Variants in STXBP5L observed in about 807,000 individuals in gnomAD.
STXBP5L encodes the protein syntaxin binding protein 5L.
Under a neutral mutation model 144.5 loss-of-function variants are expected in STXBP5L, and 65 were observed. The ratio of observed to expected loss-of-function variants is 0.45; its 90% CI spans 0.37 to 0.55. The LOEUF (loss-of-function observed/expected upper bound fraction) is 0.55, where lower values mean the gene tolerates loss of function less well. Among genes scored for constraint, STXBP5L ranks in the 20% least tolerant of loss-of-function variants. The pLI, the probability that STXBP5L is intolerant of heterozygous loss-of-function variation, is 0.00. For missense variants in STXBP5L, 1,298 were observed against 1,405.5 expected, an observed-to-expected ratio of 0.92 and a Z score of 1.22; for synonymous variants, 505 against 469.6, an observed-to-expected ratio of 1.08 and a Z score of -0.97.
At chr3:121,297,455 G>C (rs1346167469) in intron 19 of STXBP5L, among the ~76,000 whole-genome samples, 2 of 152,036 alleles carry the variant, frequency 1.3e-5, no homozygotes, top group East Asian at 3.9e-4. Context: ...ACTATTATAA[G>C]AATATATAGG....
At chr3:121,363,228 C>T (rs1047848307) in intron 20 of STXBP5L, among the ~76,000 whole-genome samples, 2 of 152,142 alleles carry the variant, frequency 1.3e-5, no homozygotes, top group African/African-American at 4.8e-5. Context: ...CCAGCAGTCC[C>T]TTGGCTGACC....
chr3:121,290,285 C>A (rs531989034), intron 19 of STXBP5L, among the ~76,000 whole-genome samples: 1 of 151,970 alleles, frequency 6.6e-6, no homozygotes, highest in African/African-American at 2.4e-5. Flanking sequence ...TTTATGCACA[C>A]AAACTAGAAA....
At chr3:121,019,807 A>T (rs1162265566) in intron 3 of STXBP5L, among the ~76,000 whole-genome samples, 1 of 152,148 alleles carries the variant, frequency 6.6e-6, no homozygotes, top group Non-Finnish European at 1.5e-5. Context: ...CACTGACATA[A>T]TCTACCCAAA....
intron 7 of STXBP5L, among the ~76,000 whole-genome samples, chr3:121,130,009 A>G (rs1348400296): frequency 1.8e-4 from 27 of 152,124 alleles, no homozygotes; most frequent in Admixed American, 1.7e-3. Context: ...GATTTGAATC[A>G]TAGTTTATAA....
intron 5 of STXBP5L, chr3:121,099,498 T>C (rs928489091): frequency 2.0e-5 from 3 of 152,378 alleles, no homozygotes; most frequent in Non-Finnish European, 4.4e-5. Context: ...TGAACACTTA[T>C]GCCCAAGAAT....
intron 3 of STXBP5L, among the ~76,000 whole-genome samples, chr3:120,975,509 T>G (rs1940872220): frequency 6.6e-6 from 1 of 152,206 alleles, no homozygotes; most frequent in Non-Finnish European, 1.5e-5. Context: ...TTTGACTTCC[T>G]CTTTTCCTAA....
At chr3:121,026,379 C>G (rs952419595) in intron 3 of STXBP5L, among the ~76,000 whole-genome samples, 13 of 152,146 alleles carry the variant, frequency 8.5e-5, no homozygotes, top group Middle Eastern at 3.4e-3. Flanking sequence ...CCACAAAACA[C>G]TCTTTATCAC....
At chr3:121,344,057 A>G (rs552102991) in intron 20 of STXBP5L, among the ~76,000 whole-genome samples, 4 of 152,108 alleles carry the variant, frequency 2.6e-5, no homozygotes, top group South Asian at 4.2e-4. Context: ...AGAGATATAG[A>G]TCAATGGAAC....
rs538227823 is a variant in STXBP5L at position 120,956,725 on chromosome 3, T to A, written c.287+1688T>A. On this transcript the variant is annotated intron_variant, in intron 3 of 26. Coordinates refer to ENST00000471454, the MANE Select transcript of STXBP5L (RefSeq NM_001308330.2). ...ATTGCTGGATCATATGATAATTGTATTTTTAATTTTTTGAGGAACTGTCAT... is the reference window on the plus strand; with the variant it reads ...ATTGCTGGATCATATGATAATTGTAATTTTAATTTTTTGAGGAACTGTCAT... Among the ~76,000 whole-genome samples, 5 of 152,058 alleles carry A rather than the reference T, an allele frequency of 3.3e-5. 1 individual carries two copies. In the South Asian group the frequency reaches 1.0e-3, roughly 32 times the overall value.
intron 7 of STXBP5L, among the ~76,000 whole-genome samples, chr3:121,130,867 T>C (rs1182871236): frequency 6.6e-6 from 1 of 152,260 alleles, no homozygotes; most frequent in East Asian, 1.9e-4. Context: ...TAGTGATATA[T>C]ATATCAGAAT....
At chr3:121,354,508 C>CTTTTTTTTTTTTTTTTTTTTT (rs145703750) in intron 20 of STXBP5L, among the ~76,000 whole-genome samples, 4 of 67,542 alleles carry the variant, frequency 5.9e-5, no homozygotes, top group Admixed American at 1.8e-4. Context: ...TGCAACCCTG[C>CTTTTTTTTTTTTTTTTTTTTT]TTTTTTTTTT....
At chr3:121,204,193 C>T (rs1055924605) in intron 9 of STXBP5L, among the ~76,000 whole-genome samples, 5 of 151,946 alleles carry the variant, frequency 3.3e-5, no homozygotes, top group Non-Finnish European at 7.4e-5. Flanking sequence ...GAGCCAAGAT[C>T]GCACCACTGC....
chr3:121,169,571 AAAC>A (rs2046629808), intron 9 of STXBP5L, among the ~76,000 whole-genome samples: 1 of 152,214 alleles, frequency 6.6e-6, no homozygotes, highest in Non-Finnish European at 1.5e-5. Flanking sequence ...AACAGACTTT[AAAC>A]CAACAAAGAT....
intron 3 of STXBP5L, among the ~76,000 whole-genome samples, chr3:120,967,783 G>C (rs535533936): frequency 1.3e-5 from 2 of 152,034 alleles, no homozygotes; most frequent in African/African-American, 4.8e-5. Context: ...GTATTTCATA[G>C]GTTTTAGTAT....
At chr3:121,199,616 G>A (rs2048058837) in intron 9 of STXBP5L, among the ~76,000 whole-genome samples, 1 of 152,092 alleles carries the variant, frequency 6.6e-6, no homozygotes, top group Admixed American at 6.5e-5. Context: ...TTGGCTGTGG[G>A]TTTTTCATAA....
At chr3:121,060,000 A>G (rs1238551355) in intron 5 of STXBP5L, among the ~76,000 whole-genome samples, 2 of 152,150 alleles carry the variant, frequency 1.3e-5, no homozygotes, top group Non-Finnish European at 2.9e-5. Flanking sequence ...TAGAACTTCC[A>G]ATACTATGTT....
intron 5 of STXBP5L, among the ~76,000 whole-genome samples, chr3:121,052,542 A>G (rs1235305266): frequency 2.0e-5 from 3 of 152,260 alleles, no homozygotes; most frequent in African/African-American, 2.4e-5. Context: ...ACAAAATTCA[A>G]CAACCCTTCA....
At chr3:121,093,284 C>G (rs916664379) in intron 5 of STXBP5L, among the ~76,000 whole-genome samples, 6 of 152,172 alleles carry the variant, frequency 3.9e-5, no homozygotes, top group African/African-American at 1.4e-4. Context: ...ATGCTGGCCT[C>G]ATAAAATGAG....
intron 5 of STXBP5L, among the ~76,000 whole-genome samples, chr3:121,058,919 G>C (rs1339040500): frequency 6.6e-6 from 1 of 152,078 alleles, no homozygotes; most frequent in Non-Finnish European, 1.5e-5. Context: ...CCATTCTGTG[G>C]GTTGCCTGTT....
Sources: gnomAD v4.1 joint callset for allele counts (sites outside exome capture counted in the v4.1 genomes callset) on GRCh38, gnomAD v4.1.1 for gene constraint, MANE v1.5 for transcripts, NCBI Gene and HGNC (gene_info 2026-07-23, HGNC 2026-07-21) for gene names.